Variants in NAV3 observed in about 807,000 individuals in gnomAD.
NAV3 encodes pore membrane and/or filament interacting like protein 1.
Under a neutral mutation model 244.7 loss-of-function variants are expected in NAV3, and 87 were observed. That is an observed-to-expected ratio of 0.36 (90% CI 0.30 to 0.42). The LOEUF is 0.42. NAV3 is among the 20% of genes least tolerant of loss of function. The probability of loss-of-function intolerance (pLI) is 1.00; values close to 1 mark genes in which losing one functional copy is unlikely to be tolerated. For missense variants in NAV3, 2,663 were observed against 2,893.3 expected, an observed-to-expected ratio of 0.92 and a Z score of 1.83; for synonymous variants, 1,126 against 1,042.2, an observed-to-expected ratio of 1.08 and a Z score of -1.55.
chr12:77,898,777 A>G (rs755094552), intron 1 of NAV3, among the ~76,000 whole-genome samples: 3 of 152,262 alleles, frequency 2.0e-5, no homozygotes, highest in Non-Finnish European at 4.4e-5. Context: ...AATACATTTC[A>G]TAAGTCTAGA....
At chr12:77,822,933 C>A (rs1470992616) in intron 2 of NAV3, among the ~76,000 whole-genome samples, 4 of 152,178 alleles carry the variant, frequency 2.6e-5, no homozygotes. Context: ...CTCTTTACTT[C>A]TGCTTCTATT....
In NAV3 at chr12:78,119,920, G is replaced by C. The variant is rs2138640461; in HGVS notation, c.3724G>C (p.Asp1242His). The C allele has an allele frequency of 6.2e-7, 1 of 1,613,038 alleles. No individual in the cohort carries two copies. Residue 1242 changes from aspartate to histidine, a missense_variant, in exon 15 of 40, where the codon GAT (aspartate) becomes CAT (histidine). By Grantham distance (81) the Asp-to-His change is moderately conservative. Coordinates refer to ENST00000397909, the MANE Select transcript of NAV3 (RefSeq NM_001024383.2). ...GLRQPGSKYPDIASPTFRRLF... is the reference protein window; with the variant it reads ...GLRQPGSKYPHIASPTFRRLF... ...CAGGCAGCCAGGATCCAAGTATCCA[G>C]ATATTGCCTCACCCACATTTCGAAG...
At position 78,086,410 on chromosome 12, in the gene NAV3, A is replaced by C. The variant is rs968124595; in HGVS notation, c.2636+27295A>C. On this transcript the variant is annotated intron_variant, in intron 12 of 39. Transcript: ENST00000397909. Reference sequence around the variant, plus strand: ...ATAATATTAATTTCAATTATAAAACATATGCAGCATTTTAAGTAATAACAT... The same window carrying C: ...ATAATATTAATTTCAATTATAAAACCTATGCAGCATTTTAAGTAATAACAT... Among the ~76,000 whole-genome samples the C allele has an allele frequency of 2.4e-4, 36 of 152,080 alleles. 1 individual carries two copies. Among genetic ancestry groups the C allele is most frequent in the East Asian group, 1.9e-4 (1 of 5,196 alleles).
At chr12:78,087,344 G>T (rs890979932) in intron 12 of NAV3, among the ~76,000 whole-genome samples, 1 of 151,992 alleles carries the variant, frequency 6.6e-6, no homozygotes, top group African/African-American at 2.4e-5. Flanking sequence ...CCTAAAGGAA[G>T]ATTAAAGATT....
At chr12:78,064,603 C>T (rs1884783451) in intron 12 of NAV3, among the ~76,000 whole-genome samples, 1 of 152,050 alleles carries the variant, frequency 6.6e-6, no homozygotes, top group Non-Finnish European at 1.5e-5. Flanking sequence ...CAAATACAGT[C>T]ACATTGCAGG....
chr12:78,095,080 CACACACACATATATATAT>C (rs909766300), intron 12 of NAV3, among the ~76,000 whole-genome samples: 4 of 134,820 alleles, frequency 3.0e-5, no homozygotes, highest in Non-Finnish European at 6.8e-5. Flanking sequence ...CACACACACA[CACACACACATATATATAT>C]ACACATATAT....
chr12:78,006,248 T>G (rs1459716525), intron 7 of NAV3, among the ~76,000 whole-genome samples, 171 bp from the exon 8 acceptor site: 2 of 151,454 alleles, frequency 1.3e-5, no homozygotes, highest in Non-Finnish European at 2.9e-5. Context: ...TCTGCATTTT[T>G]GAAATATGGT....
chr12:77,589,505 A>G (rs1244609244), intron 2 of NAV3, among the ~76,000 whole-genome samples: 2 of 152,182 alleles, frequency 1.3e-5, no homozygotes, highest in Non-Finnish European at 2.9e-5. Flanking sequence ...AGGCCTCAGG[A>G]AACTTATGAT....
chr12:77,911,864 A>AT (rs150834060), intron 1 of NAV3, among the ~76,000 whole-genome samples: 44 of 151,916 alleles, frequency 2.9e-4, no homozygotes, highest in African/African-American at 6.5e-4. Context: ...CTGATCATAT[A>AT]TTTTTTTTAA....
intron 12 of NAV3, among the ~76,000 whole-genome samples, chr12:78,095,332 GAAGAGAGAGC>G: frequency 6.6e-6 from 1 of 152,016 alleles, no homozygotes; most frequent in East Asian, 1.9e-4. Context: ...CTCAACTCTT[GAAGAGAGAGC>G]AAGAGAGAGA....
intron 39 of NAV3, among the ~76,000 whole-genome samples, chr12:78,209,302 A>C (rs1160484181): frequency 1.3e-5 from 2 of 152,150 alleles, no homozygotes; most frequent in Non-Finnish European, 2.9e-5. Flanking sequence ...ATAGCTTAAC[A>C]TATGACCAAG....
At chr12:78,054,468 A>G (rs1439545839) in intron 11 of NAV3, among the ~76,000 whole-genome samples, 1 of 152,210 alleles carries the variant, frequency 6.6e-6, no homozygotes, top group East Asian at 1.9e-4. Context: ...CTAAACAGTC[A>G]TAGAACATGG....
chr12:77,777,497 G>T (rs994596252), intron 2 of NAV3, among the ~76,000 whole-genome samples: 5 of 152,170 alleles, frequency 3.3e-5, no homozygotes, highest in Non-Finnish European at 5.9e-5. Context: ...AACATCCTGA[G>T]TTAGACACAG....
chr12:77,747,208 A>G (rs1481314600), intron 2 of NAV3, among the ~76,000 whole-genome samples: 1 of 152,160 alleles, frequency 6.6e-6, no homozygotes, highest in Non-Finnish European at 1.5e-5. Flanking sequence ...TGATTTTTTC[A>G]TGTCTTTTGG....
chr12:77,691,534 T>G (rs1875032390), intron 2 of NAV3, among the ~76,000 whole-genome samples: 1 of 151,108 alleles, frequency 6.6e-6, no homozygotes, highest in African/African-American at 2.4e-5. Flanking sequence ...TATTATGCTT[T>G]ATTTCCATAA....
At chr12:77,960,486 T>C (rs1891798593) in intron 3 of NAV3, among the ~76,000 whole-genome samples, 1 of 148,718 alleles carries the variant, frequency 6.7e-6, no homozygotes, top group African/African-American at 2.5e-5. Context: ...CATAAACACA[T>C]ATATATATAA....
At chr12:77,838,072 C>T (rs1181647663) in intron 1 of NAV3, among the ~76,000 whole-genome samples, 1 of 152,174 alleles carries the variant, frequency 6.6e-6, no homozygotes, top group Non-Finnish European at 1.5e-5. Flanking sequence ...TCTTGGGTCC[C>T]CAGACGATTC....
chr12:77,640,739 T>C (rs1341847070), intron 2 of NAV3, among the ~76,000 whole-genome samples: 12 of 152,148 alleles, frequency 7.9e-5, no homozygotes, highest in Non-Finnish European at 1.8e-4. Flanking sequence ...GTTATAGATA[T>C]GCTAACTTAT....
rs1467347681 is a variant in NAV3 at position 78,006,621 on chromosome 12, A to G, written c.1083A>G (p.Pro361=). 6.2e-7 allele frequency: 1 copy of G among 1,614,098 alleles called. No individual in the cohort carries two copies. The highest frequency in any genetic ancestry group is 8.5e-7 in the Non-Finnish European group (1 of 1,180,018). ...CAAGTACAGCCACCTCCCCCACACC[A>G]TCTTCAGACAGACTGAAGCCACCTG... ...KQSSTATSPT[P]SSDRLKPPVS... Residue 361 remains proline (P), a synonymous_variant, in exon 8 of 40, where the codon CCA becomes CCG. Coordinates refer to ENST00000397909, the MANE Select transcript of NAV3 (RefSeq NM_001024383.2).
Sources: allele counts gnomAD v4.1 joint callset (sites outside exome capture counted in the v4.1 genomes callset), GRCh38; gene constraint gnomAD v4.1.1; transcripts MANE v1.5; gene names NCBI Gene and HGNC (gene_info 2026-07-23, HGNC 2026-07-21).